The following SPOCK1 variants were observed in gnomAD, a reference collection of about 807,000 sequenced individuals.
SPOCK1 encodes testican-1.
Under a neutral mutation model 55.3 loss-of-function variants are expected in SPOCK1, and 23 were observed. The observed-to-expected ratio is 0.42, with a 90% CI of 0.30 to 0.59. The LOEUF is 0.59. SPOCK1 is among the 20% of genes least tolerant of loss of function. SPOCK1 has a pLI of 0.22. For synonymous variants in SPOCK1, 226 were observed against 221.0 expected (o/e 1.02, Z -0.20); for missense variants, 499 against 552.5 (o/e 0.90, Z 0.97).
intron 3 of SPOCK1, among the ~76,000 whole-genome samples, chr5:137,143,117 T>A (rs1580773782): frequency 6.6e-6 from 1 of 152,156 alleles, no homozygotes; most frequent in South Asian, 2.1e-4. Context: ...ACCTGGGGAC[T>A]AGACCACAGG....
At chr5:137,492,999 G>A (rs528658765) in intron 2 of SPOCK1, among the ~76,000 whole-genome samples, 6 of 152,208 alleles carry the variant, frequency 3.9e-5, no homozygotes, top group African/African-American at 9.6e-5. Flanking sequence ...ATCTCACACC[G>A]AATGAAACAT....
intron 2 of SPOCK1, among the ~76,000 whole-genome samples, chr5:137,448,530 G>A (rs2950950): frequency 0.42 from 63,825 of 151,958 alleles, 14,158 homozygotes; most frequent in East Asian, 0.63. Context: ...GGGCTACAGC[G>A]GCCAGGACTC....
In SPOCK1 at chr5:137,149,627, T is replaced by C. The variant is rs559137022; in HGVS notation, c.233-8933A>G. Among the ~76,000 whole-genome samples, 6 of 152,294 alleles carry C rather than the reference T, an allele frequency of 3.9e-5. No homozygotes were observed. In the South Asian group the frequency reaches 1.2e-3, roughly 32 times the overall value. ...TGCTTCACTTTAATGCAATTAAAATTTCTATAAAAACATGGAGCTTTTCCC... is the reference window on the plus strand; with the variant it reads ...TGCTTCACTTTAATGCAATTAAAATCTCTATAAAAACATGGAGCTTTTCCC... On this transcript the variant is annotated intron_variant, in intron 3 of 10. Coordinates refer to ENST00000394945, the MANE Select transcript of SPOCK1 (RefSeq NM_004598.4).
At chr5:137,310,364 T>C (rs1757768897) in intron 2 of SPOCK1, among the ~76,000 whole-genome samples, 2 of 152,190 alleles carry the variant, frequency 1.3e-5, no homozygotes, top group South Asian at 4.1e-4. Flanking sequence ...CACAGCATAA[T>C]GGCATCCAGG....
intron 3 of SPOCK1, among the ~76,000 whole-genome samples, chr5:137,210,937 A>G (rs962024779): frequency 6.6e-6 from 1 of 152,230 alleles, no homozygotes; most frequent in African/African-American, 2.4e-5. Context: ...CCAAAAGCCA[A>G]TCAGCTATAA....
At chr5:137,035,257 G>T (rs994095029) in intron 6 of SPOCK1, among the ~76,000 whole-genome samples, 1 of 152,214 alleles carries the variant, frequency 6.6e-6, no homozygotes, top group African/African-American at 2.4e-5. Context: ...TATCAGGACC[G>T]GAGTGGTGGC....
At chr5:137,399,100 A>C (rs185087788) in intron 2 of SPOCK1, among the ~76,000 whole-genome samples, 25 of 152,346 alleles carry the variant, frequency 1.6e-4, no homozygotes, top group Admixed American at 1.6e-3. Flanking sequence ...ATATTATAAT[A>C]AGCCTTTTAT....
intron 2 of SPOCK1, among the ~76,000 whole-genome samples, chr5:137,466,221 G>A (rs1456627322): frequency 6.6e-6 from 1 of 152,136 alleles, no homozygotes; most frequent in Non-Finnish European, 1.5e-5. Flanking sequence ...GTTCCTGATT[G>A]GATTTTATTC....
At chr5:137,155,239 A>G (rs1754392924) in intron 3 of SPOCK1, among the ~76,000 whole-genome samples, 1 of 152,206 alleles carries the variant, frequency 6.6e-6, no homozygotes, top group Non-Finnish European at 1.5e-5. Context: ...TCTTTAAGCC[A>G]AATTACAGTC....
intron 6 of SPOCK1, among the ~76,000 whole-genome samples, chr5:137,042,137 A>G (rs1752012369): frequency 6.6e-6 from 1 of 152,210 alleles, no homozygotes; most frequent in Admixed American, 6.5e-5. Flanking sequence ...TAAATGAGCT[A>G]TCAAACTACA....
chr5:137,267,389 C>CCTACAGTATACAGATGTAA (rs1756879607), intron 2 of SPOCK1, among the ~76,000 whole-genome samples: 1 of 152,164 alleles, frequency 6.6e-6, no homozygotes, highest in African/African-American at 2.4e-5. Context: ...GTAGGTGATG[C>CCTACAGTATACAGATGTAA]CTTGCTGCTC....
At chr5:136,987,904 C>T (rs934766705) in intron 8 of SPOCK1, among the ~76,000 whole-genome samples, 5 of 152,200 alleles carry the variant, frequency 3.3e-5, no homozygotes, top group Non-Finnish European at 5.9e-5. Context: ...TATGAAATAT[C>T]CTGGTATCTT....
At chr5:137,439,805 C>T (rs1003236318) in intron 2 of SPOCK1, among the ~76,000 whole-genome samples, 3 of 152,208 alleles carry the variant, frequency 2.0e-5, no homozygotes, top group Non-Finnish European at 2.9e-5. Flanking sequence ...AGATGATAAG[C>T]ATCTTCTCTG....
At position 137,309,992 on chromosome 5, in the gene SPOCK1, A is replaced by T. The variant is rs76238621; in HGVS notation, c.187-42937T>A. Among the ~76,000 whole-genome samples, 494 of 152,300 alleles carry T rather than the reference A, an allele frequency of 3.2e-3. 5 individuals carry two copies. The highest frequency in any genetic ancestry group is 0.011 in the African/African-American group (465 of 41,562). Reference sequence around the variant, plus strand: ...TCTAGTTACCGAGGAACCTTCACTCAAAATTGCTTGCCTCTTTGTACAATA... The same window carrying T: ...TCTAGTTACCGAGGAACCTTCACTCTAAATTGCTTGCCTCTTTGTACAATA... On this transcript the variant is annotated intron_variant, in intron 2 of 10. Transcript: ENST00000394945.
intron 6 of SPOCK1, among the ~76,000 whole-genome samples, chr5:137,002,482 C>CAAAA (rs34057217): frequency 7.3e-6 from 1 of 136,922 alleles, no homozygotes. Context: ...ACTCTGGGGC[C>CAAAA]AAAAAAAAAA....
intron 3 of SPOCK1, among the ~76,000 whole-genome samples, chr5:137,223,218 CATG>C (rs147482438): frequency 0.036 from 5,518 of 151,314 alleles, 157 homozygotes; most frequent in East Asian, 0.13. Flanking sequence ...TTCTCCCAAT[CATG>C]ATATGAGAAA....
chr5:137,251,988 CA>C (rs1756541007), intron 3 of SPOCK1, among the ~76,000 whole-genome samples: 3 of 149,462 alleles, frequency 2.0e-5, no homozygotes, highest in African/African-American at 7.7e-5. Flanking sequence ...GGTGCAATCT[CA>C]AGCTCAGCTC....
intron 5 of SPOCK1, among the ~76,000 whole-genome samples, chr5:137,084,948 A>T (rs983399460): frequency 8.6e-6 from 1 of 116,884 alleles, no homozygotes; most frequent in East Asian, 2.7e-4. Context: ...AGAGATTTAT[A>T]CAAAGCAAAA....
intron 6 of SPOCK1, among the ~76,000 whole-genome samples, chr5:137,043,901 G>A (rs1283761148): frequency 6.6e-6 from 1 of 152,194 alleles, no homozygotes; most frequent in African/African-American, 2.4e-5. Context: ...GACTTTAGCT[G>A]ATTATAATGT....
Sources: gnomAD v4.1 joint callset for allele counts (sites outside exome capture counted in the v4.1 genomes callset) on GRCh38, gnomAD v4.1.1 for gene constraint, MANE v1.5 for transcripts, NCBI Gene and HGNC (gene_info 2026-07-23, HGNC 2026-07-21) for gene names.